ATF2: variants seen among roughly 807,000 people sequenced by gnomAD.
The protein encoded by ATF2 is activating transcription factor 2, also known as cyclic AMP-dependent transcription factor ATF-2.
Under a neutral mutation model 60.6 loss-of-function variants are expected in ATF2, and 24 were observed. The ratio of observed to expected loss-of-function variants is 0.40; its 90% CI spans 0.29 to 0.56. The LOEUF (loss-of-function observed/expected upper bound fraction) is 0.56, where lower values mean the gene tolerates loss of function less well. Ranked by LOEUF, ATF2 falls within the 20% of genes least tolerant of loss-of-function variation. The pLI is 0.54. For missense variants in ATF2, 433 were observed against 607.7 expected (o/e 0.71, Z 3.02); for synonymous variants, 206 against 215.4 (o/e 0.96, Z 0.38).
intron 12 of ATF2, among the ~76,000 whole-genome samples, chr2:175,083,744 A>G (rs890023398): frequency 6.6e-6 from 1 of 152,210 alleles, no homozygotes; most frequent in Non-Finnish European, 1.5e-5. Context: ...CAACCTACTT[A>G]TCTGACAAAG....
intron 1 of ATF2, among the ~76,000 whole-genome samples, chr2:175,162,935 C>T (rs1393362133): frequency 6.6e-6 from 1 of 151,942 alleles, no homozygotes; most frequent in Admixed American, 6.6e-5. Flanking sequence ...AGATCGAGAC[C>T]ATCCTAGCTA....
At chr2:175,117,287 G>C (rs1696645464) in intron 7 of ATF2, among the ~76,000 whole-genome samples, 1 of 151,788 alleles carries the variant, frequency 6.6e-6, no homozygotes, top group Non-Finnish European at 1.5e-5. Context: ...TATTTTTTCT[G>C]TATTTCCTTA....
intron 12 of ATF2, among the ~76,000 whole-genome samples, chr2:175,087,747 G>A (rs1167103633): frequency 2.6e-5 from 4 of 152,122 alleles, no homozygotes; most frequent in Admixed American, 1.3e-4. Context: ...AAGGGTTATC[G>A]TGGAATGTAA....
chr2:175,097,822 A>C (rs988887015), intron 10 of ATF2, among the ~76,000 whole-genome samples: 10 of 152,166 alleles, frequency 6.6e-5, no homozygotes, highest in Non-Finnish European at 1.5e-4. Flanking sequence ...CCAAACCTGC[A>C]AACAGAGATC....
At chr2:175,157,338 A>G (rs1391495297) in intron 1 of ATF2, among the ~76,000 whole-genome samples, 1 of 152,030 alleles carries the variant, frequency 6.6e-6, no homozygotes, top group Non-Finnish European at 1.5e-5. Flanking sequence ...CACTTCATGT[A>G]TCTATGCAGT....
intron 11 of ATF2, among the ~76,000 whole-genome samples, chr2:175,094,708 T>C (rs888174980): frequency 6.6e-6 from 1 of 152,122 alleles, no homozygotes; most frequent in Non-Finnish European, 1.5e-5. Context: ...ATAACTAGCA[T>C]TACAAAGAGA....
chr2:175,099,226 C>T (rs565150807), intron 10 of ATF2, among the ~76,000 whole-genome samples: 2 of 151,506 alleles, frequency 1.3e-5, no homozygotes, highest in East Asian at 3.9e-4. Context: ...GCCTTAGCCT[C>T]CTGAGGAGCT....
At chr2:175,098,803 C>G (rs1411393304) in intron 10 of ATF2, among the ~76,000 whole-genome samples, 1 of 152,070 alleles carries the variant, frequency 6.6e-6, no homozygotes, top group East Asian at 1.9e-4. Context: ...ATTTTTATAA[C>G]TATTTCAAAA....
At chr2:175,114,996 A>C in intron 7 of ATF2, 128 bp from the exon 8 acceptor site, 7 of 738,234 alleles carry the variant, frequency 9.5e-6, no homozygotes, top group African/African-American at 1.8e-5. Flanking sequence ...TTAATATCTC[A>C]AATTAATTAA....
At chr2:175,160,303 G>A (rs1699938223) in intron 1 of ATF2, among the ~76,000 whole-genome samples, 1 of 151,820 alleles carries the variant, frequency 6.6e-6, no homozygotes. Flanking sequence ...GAGGATTGCT[G>A]AAGCCCAGGT....
At chr2:175,152,943 T>C (rs1374635126) in intron 1 of ATF2, among the ~76,000 whole-genome samples, 1 of 152,232 alleles carries the variant, frequency 6.6e-6, no homozygotes, top group African/African-American at 2.4e-5. Context: ...GAAATGTTTA[T>C]TTTTAAAGTA....
intron 11 of ATF2, among the ~76,000 whole-genome samples, chr2:175,096,601 A>G (rs1305542210): frequency 1.3e-5 from 2 of 152,214 alleles, no homozygotes; most frequent in Non-Finnish European, 2.9e-5. Flanking sequence ...CAGAAAAAAC[A>G]TCTGCCTCTT....
chr2:175,135,006 T>TAAAAAAAA (rs60122560), intron 3 of ATF2, among the ~76,000 whole-genome samples: 1 of 85,782 alleles, frequency 1.2e-5, no homozygotes, highest in African/African-American at 4.5e-5. Context: ...CCCATCTCTT[T>TAAAAAAAA]AAAAAAAAAA....
chr2:175,157,148 G>C (rs1699738807), intron 1 of ATF2, among the ~76,000 whole-genome samples: 1 of 152,194 alleles, frequency 6.6e-6, no homozygotes, highest in South Asian at 2.1e-4. Context: ...CAGACATTAT[G>C]CAATATTTCA....
At chr2:175,108,355 T>C (rs1349252532) in intron 10 of ATF2, among the ~76,000 whole-genome samples, 6 of 147,212 alleles carry the variant, frequency 4.1e-5, no homozygotes, top group Non-Finnish European at 9.0e-5. Context: ...AGCCGCCTCG[T>C]CCGGGAGGGA....
At chr2:175,085,864 A>T (rs1694134637) in intron 12 of ATF2, among the ~76,000 whole-genome samples, 1 of 152,190 alleles carries the variant, frequency 6.6e-6, no homozygotes. Context: ...AACAATGGAA[A>T]AGGCCAAGAA....
intron 10 of ATF2, among the ~76,000 whole-genome samples, chr2:175,099,757 G>A (rs2105618739): frequency 6.6e-6 from 1 of 152,334 alleles, no homozygotes; most frequent in East Asian, 1.9e-4. Flanking sequence ...GCTCAAGGAT[G>A]CAGAGCTGTT....
chr2:175,130,083 C>A (rs1232900877), intron 4 of ATF2, 55 bp downstream of exon 4: 23 of 1,213,008 alleles, frequency 1.9e-5, no homozygotes, highest in Middle Eastern at 2.7e-4. Context: ...ATTATATCAT[C>A]AATGTTTTAA....
At chr2:175,120,723 TTATAAAA>T (rs1474108443) in intron 5 of ATF2, among the ~76,000 whole-genome samples, 3 of 151,686 alleles carry the variant, frequency 2.0e-5, no homozygotes, top group African/African-American at 4.8e-5. Context: ...ATCATAATAC[TTATAAAA>T]TATACAAAAA....
Sources: gnomAD v4.1 joint callset for allele counts (sites outside exome capture counted in the v4.1 genomes callset) on GRCh38, gnomAD v4.1.1 for gene constraint, MANE v1.5 for transcripts, NCBI Gene and HGNC (gene_info 2026-07-23, HGNC 2026-07-21) for gene names.